Variants in NTAQ1 observed in about 807,000 individuals in gnomAD.
The protein encoded by NTAQ1 is N-terminal glutamine amidase 1.
NTAQ1 carries 21 observed loss-of-function variants against 28.2 expected under a neutral mutation model. The ratio of observed to expected loss-of-function variants is 0.74; its 90% CI spans 0.53 to 1.07. NTAQ1 has a LOEUF of 1.07. Among genes scored for constraint, NTAQ1 ranks in the 50% least tolerant of loss-of-function variants. NTAQ1 has a pLI of 0.00. For missense variants in NTAQ1, 264 were observed against 256.6 expected (o/e 1.03, Z -0.20); for synonymous variants, 105 against 90.0 (o/e 1.17, Z -0.94).
At chr8:123,423,400 T>C (rs1030669744) in intron 1 of NTAQ1, among the ~76,000 whole-genome samples, 4 of 150,022 alleles carry the variant, frequency 2.7e-5, no homozygotes, top group African/African-American at 7.3e-5. Context: ...TCCTTTTCCT[T>C]CCTTTCCCTC....
chr8:123,440,799 C>G (rs1017764723), intron 5 of NTAQ1, among the ~76,000 whole-genome samples: 1 of 152,188 alleles, frequency 6.6e-6, no homozygotes, highest in Non-Finnish European at 1.5e-5. Context: ...ACATGCTTGG[C>G]TCAGAGCAGC....
chr8:123,456,514 C>A (rs1302053533), intron 6 of NTAQ1, among the ~76,000 whole-genome samples: 1 of 152,160 alleles, frequency 6.6e-6, no homozygotes. Flanking sequence ...CTAATAATTC[C>A]TGTCAGTTCT....
At chr8:123,420,892 C>A (rs1166336577) in intron 1 of NTAQ1, among the ~76,000 whole-genome samples, 1 of 147,660 alleles carries the variant, frequency 6.8e-6, no homozygotes, top group East Asian at 2.0e-4. Flanking sequence ...TGGGTTCAAG[C>A]GGTTCTGCTT....
At position 123,442,207 on chromosome 8, in the gene NTAQ1, G is replaced by C. The variant is rs1815102256; in HGVS notation, c.*792G>C. On this transcript the variant is annotated 3_prime_UTR_variant, in exon 6 of 6. Coordinates refer to ENST00000287387, the MANE Select transcript of NTAQ1 (RefSeq NM_018024.3). ...ATATTTGGCATTACATTGGCATATAGTACCAGCTCTCATGTTTTCATGATT... is the reference window on the plus strand; with the variant it reads ...ATATTTGGCATTACATTGGCATATACTACCAGCTCTCATGTTTTCATGATT... The C allele has an allele frequency of 1.3e-5, 2 of 152,144 alleles. No homozygotes were observed. The highest frequency in any genetic ancestry group is 1.3e-4 in the Admixed American group (2 of 15,260). The allele number at this position is 152,144 out of a possible 1,614,324, so 9.4% of individuals were successfully genotyped here. A position where few individuals can be genotyped will look rare whatever the true frequency, so the allele number is the denominator to read the frequency against.
downstream of NTAQ1, among the ~76,000 whole-genome samples, chr8:123,449,974 T>TATATATGA (rs371673968): frequency 9.6e-3 from 537 of 56,102 alleles, 146 homozygotes; most frequent in South Asian, 0.03. Flanking sequence ...TATATATATA[T>TATATATGA]GCTGGATAAA....
At chr8:123,463,183 C>T (rs1815879355) in intron 6 of NTAQ1, among the ~76,000 whole-genome samples, 1 of 152,204 alleles carries the variant, frequency 6.6e-6, no homozygotes, top group Non-Finnish European at 1.5e-5. Context: ...CCTATAAATA[C>T]TTCAGAAGGA....
intron 3 of NTAQ1, among the ~76,000 whole-genome samples, chr8:123,433,913 A>C (rs1280413573): frequency 8.6e-6 from 1 of 115,874 alleles, no homozygotes; most frequent in East Asian, 2.8e-4. Flanking sequence ...AACATTATGA[A>C]ATTTTTTTGT....
downstream of NTAQ1, among the ~76,000 whole-genome samples, chr8:123,474,454 T>C (rs1816070847): frequency 6.6e-6 from 1 of 152,210 alleles, no homozygotes; most frequent in Admixed American, 6.5e-5. Flanking sequence ...GTGTCCTTTC[T>C]CATACACCAT....
chr8:123,416,798 T>G lies in NTAQ1; in HGVS notation c.-52T>G. On this transcript the variant is annotated 5_prime_UTR_variant, in exon 1 of 6. Coordinates refer to ENST00000287387, the MANE Select transcript of NTAQ1 (RefSeq NM_018024.3). ...CACTACAAGCCCGCCCTTTCCTACGTCTGGTCCAGTCGGTCTTCCTCCGGC... is the reference window on the plus strand; with the variant it reads ...CACTACAAGCCCGCCCTTTCCTACGGCTGGTCCAGTCGGTCTTCCTCCGGC... The G allele has an allele frequency of 6.7e-7, 1 of 1,494,722 alleles. No individual in the cohort carries two copies. Among genetic ancestry groups the G allele is most frequent in the Non-Finnish European group, 8.9e-7 (1 of 1,120,700 alleles). 92.6% of individuals were successfully genotyped at this position (1,494,722 alleles called of 1,614,324 possible).
chr8:123,445,236 A>G (rs1259324511), downstream of NTAQ1, among the ~76,000 whole-genome samples: 3 of 152,036 alleles, frequency 2.0e-5, no homozygotes, highest in South Asian at 2.1e-4. Context: ...CTATGTAAAC[A>G]TATAGGTATG....
At chr8:123,458,807 AG>A (rs1005922912) in intron 6 of NTAQ1, among the ~76,000 whole-genome samples, 1 of 151,886 alleles carries the variant, frequency 6.6e-6, no homozygotes, top group Non-Finnish European at 1.5e-5. Context: ...TTTTTAGTAG[AG>A]ATGGGGTTTC....
At chr8:123,430,061 A>G (rs1814305759) in intron 3 of NTAQ1, 28 bp downstream of exon 3, 39 of 1,591,872 alleles carry the variant, frequency 2.4e-5, no homozygotes, top group Non-Finnish European at 3.3e-5. Flanking sequence ...GAGAGTATTG[A>G]CGCATTATGA....
chr8:123,447,117 C>T (rs1815321431), downstream of NTAQ1, among the ~76,000 whole-genome samples: 1 of 148,080 alleles, frequency 6.8e-6, no homozygotes, highest in South Asian at 2.2e-4. Flanking sequence ...TCTAGGTGTC[C>T]TTGTACTTTT....
intron 6 of NTAQ1, among the ~76,000 whole-genome samples, chr8:123,447,675 G>C (rs4637807): frequency 0.36 from 55,128 of 152,032 alleles, 10,110 homozygotes; most frequent in East Asian, 0.56. Flanking sequence ...CTCCTTACTC[G>C]CTAAGGGTAA....
At position 123,453,657 on chromosome 8, in the gene NTAQ1, C is replaced by T. The variant is rs938972784; in HGVS notation, c.372+12308C>T. Among the ~76,000 whole-genome samples, 5 of 152,076 alleles carry T rather than the reference C, an allele frequency of 3.3e-5. No homozygotes were observed. The East Asian group carries it at 9.6e-4, about 29-fold the overall frequency. On this transcript the variant is annotated intron_variant, in intron 6 of 6. Coordinates refer to the NTAQ1 transcript ENST00000650311. ...GCCAGGCTGCTCTCGAATTCCTGAC[C>T]TCAGGTGATCTGCCTGCTTTGGCCT...
chr8:123,459,147 A>G (rs1438844203), intron 6 of NTAQ1, among the ~76,000 whole-genome samples: 1 of 151,498 alleles, frequency 6.6e-6, no homozygotes, highest in African/African-American at 2.4e-5. Flanking sequence ...GCTACTCAGG[A>G]GGTGGGAGGA....
intron 1 of NTAQ1, among the ~76,000 whole-genome samples, chr8:123,425,068 T>A (rs541797676): frequency 9.9e-5 from 15 of 152,146 alleles, no homozygotes; most frequent in Non-Finnish European, 1.8e-4. Flanking sequence ...ATATGACATA[T>A]ACCATATGTC....
intron 6 of NTAQ1, among the ~76,000 whole-genome samples, chr8:123,463,829 G>T (rs1586972499): frequency 6.6e-6 from 1 of 152,102 alleles, no homozygotes; most frequent in Non-Finnish European, 1.5e-5. Context: ...GTGATATTTG[G>T]TTGTGTCCCC....
In NTAQ1 at chr8:123,430,023, C is replaced by T. The variant is rs1321025151; in HGVS notation, c.224C>T (p.Pro75Leu). The T allele has an allele frequency of 1.2e-6, 2 of 1,612,820 alleles. No individual in the cohort carries two copies. Among genetic ancestry groups the T allele is most frequent in the Admixed American group, 1.7e-5 (1 of 59,936 alleles). The change falls in exon 3 of 6, where the codon CCT (proline) becomes CTT (leucine). Residue 75 changes from proline to leucine, a missense_variant. Pro to Leu is a moderately conservative substitution (Grantham distance 98). Transcript: ENST00000287387. ...WKQQARPGDGPVIWDYHVVLL... is the reference protein window; with the variant it reads ...WKQQARPGDGLVIWDYHVVLL... ...CAACAGGCGAGACCTGGAGATGGAC[C>T]TGTGATCTGGGTAAGACAGTTAATA... is the stretch of plus-strand genomic sequence containing the variant.
Sources: gnomAD v4.1 joint callset for allele counts (sites outside exome capture counted in the v4.1 genomes callset) on GRCh38, gnomAD v4.1.1 for gene constraint, MANE v1.5 for transcripts, NCBI Gene and HGNC (gene_info 2026-07-23, HGNC 2026-07-21) for gene names.